The following KRT77 variants were observed in gnomAD, a reference collection of about 807,000 sequenced individuals.
The protein encoded by KRT77 is keratin, type II cytoskeletal 1b.
In KRT77, 44 loss-of-function variants were observed where a neutral mutation model predicts 51.5. The observed-to-expected ratio is 0.85, with a 90% CI of 0.67 to 1.10. The LOEUF is 1.10. Ranked by LOEUF, KRT77 falls within the 50% of genes least tolerant of loss-of-function variation. The pLI, the probability that KRT77 is intolerant of heterozygous loss-of-function variation, is 0.00. For synonymous variants in KRT77, 293 were observed against 302.0 expected (o/e 0.97, Z 0.31); for missense variants, 763 against 743.9 (o/e 1.03, Z -0.30).
chr12:52,697,748 G>C lies in KRT77; in HGVS notation c.692C>G (p.Ala231Gly), dbSNP rs756106631. 6.2e-7 allele frequency: 1 copy of C among 1,614,006 alleles called. No individual in the cohort carries two copies. Among genetic ancestry groups the C allele is most frequent in the Non-Finnish European group, 8.5e-7 (1 of 1,179,916 alleles). ...DLRRQVDLLS[A>G]EQMRQNAEVR... ...CTCCGCGTTCTGGCGCATCTGCTCC[G>C]CACTGAGCAAATCCACCTGCCTCCG... The change falls in exon 2 of 9, where the codon GCG becomes GGG. Residue 231 changes from alanine (A) to glycine (G), a missense_variant. Transcript: ENST00000341809.
At chr12:52,698,274 A>C (rs528783648) in intron 1 of KRT77, 17 of 570,902 alleles carry the variant, frequency 3.0e-5, no homozygotes, top group Non-Finnish European at 5.1e-5. Flanking sequence ...TGTGGTCAAA[A>C]TGCATTATGT....
rs1406971652 is a variant in KRT77 at position 52,694,564 on chromosome 12, G to A, written c.1080+62C>T. 9 of 1,457,470 alleles carry A rather than the reference G, an allele frequency of 6.2e-6. No individual in the cohort carries two copies. The African/African-American group carries it at 9.8e-5, about 16-fold the overall frequency. The allele number at this position is 1,457,470 out of a possible 1,614,324, so 90.3% of individuals were successfully genotyped here. On this transcript the variant is annotated intron_variant, in intron 5 of 8. Coordinates refer to ENST00000341809, the MANE Select transcript of KRT77 (RefSeq NM_175078.3). ...AAATAAGAGAAAGACAATGCAATAA[G>A]AGAAAGACAATTCTGGGAAGAATCT...
chr12:52,690,961 G>C lies in KRT77; in HGVS notation c.*204C>G, dbSNP rs1302970806. ...TGAGAATGTGCCTAGCTGTGAATCT[G>C]ACTGCAAGCCAGTGCCCTCCAAAGA... On this transcript the variant is annotated 3_prime_UTR_variant, in exon 9 of 9. Transcript: ENST00000341809. The C allele has an allele frequency of 7.3e-6, 5 of 682,070 alleles. No individual in the cohort carries two copies. The East Asian group carries it at 1.4e-4, about 19-fold the overall frequency. 42.3% of individuals were successfully genotyped at this position (682,070 alleles called of 1,614,324 possible).
At chr12:52,698,124 C>T (rs1941828089) in intron 1 of KRT77, 1 of 1,446,040 alleles carries the variant, frequency 6.9e-7, no homozygotes, top group Admixed American at 2.1e-5. Context: ...ACTAAGCTCA[C>T]TCTGGTTTTG....
At position 52,692,953 on chromosome 12, in the gene KRT77, G is replaced by A. The variant is rs925436689; in HGVS notation, c.1081-73C>T. 8 of 1,531,430 alleles carry A rather than the reference G, an allele frequency of 5.2e-6. No individual in the cohort carries two copies. In the African/African-American group the frequency reaches 1.1e-4, roughly 21 times the overall value. 94.9% of individuals were successfully genotyped at this position (1,531,430 alleles called of 1,614,324 possible). A position where few individuals can be genotyped will look rare whatever the true frequency, so the allele number is the denominator to read the frequency against. On this transcript the variant is annotated intron_variant, in intron 5 of 8. Transcript: ENST00000341809. ...GCCCCTCCAGGAGGGAGTAGGTCTG[G>A]GCTGCTCTCCCCTGGGAGATTCCCA...
intron 1 of KRT77, chr12:52,698,249 A>G (rs1817645691): frequency 6.3e-6 from 5 of 798,920 alleles, no homozygotes; most frequent in African/African-American, 1.8e-5. Context: ...GATGACCCCA[A>G]GGTTCCTTTC....
chr12:52,691,864 C>T (rs1941714437), intron 8 of KRT77, 74 bp downstream of exon 8: 4 of 1,578,392 alleles, frequency 2.5e-6, no homozygotes, highest in South Asian at 1.1e-5. Context: ...TTTCCGTTCT[C>T]TGCTGGCCAC....
At chr12:52,695,012 T>A (rs1161463534) in intron 4 of KRT77, 1 of 327,072 alleles carries the variant, frequency 3.1e-6, no homozygotes, top group African/African-American at 2.1e-5. Context: ...TCAGATACCA[T>A]CTCCCCATCA....
At position 52,703,109 on chromosome 12, in the gene KRT77, C is replaced by T; in HGVS notation, c.326G>A (p.Gly109Glu). 2 of 1,612,700 alleles carry T rather than the reference C, an allele frequency of 1.2e-6. No individual in the cohort carries two copies. The highest frequency in any genetic ancestry group is 4.5e-5 in the East Asian group (2 of 44,836). ...AAATCCAGCACCCCCAAAACCACCTCCTCCAAAGCCACCAGCCCCGGTGCT... is the reference window on the plus strand; with the variant it reads ...AAATCCAGCACCCCCAAAACCACCTTCTCCAAAGCCACCAGCCCCGGTGCT... Reference protein sequence around the residue: ...VGSTGAGGFGGGGFGGAGFGT... With the variant: ...VGSTGAGGFGEGGFGGAGFGT... Residue 109 changes from glycine to glutamate, a missense_variant, in exon 1 of 9, where the codon GGA becomes GAA. Coordinates refer to ENST00000341809, the MANE Select transcript of KRT77 (RefSeq NM_175078.3).
intron 1 of KRT77, among the ~76,000 whole-genome samples, chr12:52,698,540 G>A (rs1206217617): frequency 1.3e-5 from 2 of 152,196 alleles, no homozygotes; most frequent in South Asian, 2.1e-4. Context: ...GGGTTGTCAG[G>A]TGTTTGAGAA....
rs1356100910 is a variant in KRT77, at chr12:52,692,418, C to T, written c.1427+3G>A. 3 of 1,613,900 alleles carry T rather than the reference C, an allele frequency of 1.9e-6. No individual in the cohort carries two copies. The South Asian group carries it at 3.3e-5, about 18-fold the overall frequency. ...GCCCCAGAAACACAGCTGCCAGACCCACCTGCTCTCCTCGCCCTCCAGCAG... is the reference window on the plus strand; with the variant it reads ...GCCCCAGAAACACAGCTGCCAGACCTACCTGCTCTCCTCGCCCTCCAGCAG... On this transcript the variant is annotated splice_donor_region_variant and intron_variant, in intron 7 of 8. Transcript: ENST00000341809.
rs777785967 is a variant in KRT77 at position 52,703,380 on chromosome 12, A to G, written c.55T>C (p.Tyr19His). Residue 19 changes from tyrosine to histidine, a missense_variant, in exon 1 of 9, where the codon TAT becomes CAT. Transcript: ENST00000341809. ...GAGCCTGCAGAAGAGCTGGTACTAT[A>G]AACCCGCCTGCTCATTGAACTAAAC... ...SAFSSMSRRVYSTSSSAGSGG... is the reference protein window; with the variant it reads ...SAFSSMSRRVHSTSSSAGSGG... The G allele has an allele frequency of 3.1e-6, 5 of 1,612,776 alleles. No homozygotes were observed. The highest frequency in any genetic ancestry group is 4.2e-6 in the Non-Finnish European group (5 of 1,179,154).
chr12:52,698,133 T>C (rs1194662860), intron 1 of KRT77: 1 of 1,430,302 alleles, frequency 7.0e-7, no homozygotes, highest in Admixed American at 2.1e-5. Context: ...ACTCTGGTTT[T>C]GAAGGTAAAT....
intron 8 of KRT77, 96 bp from the exon 9 acceptor site, chr12:52,691,535 C>T (rs2121040476): frequency 7.2e-7 from 1 of 1,386,678 alleles, no homozygotes; most frequent in East Asian, 2.3e-5. Flanking sequence ...CATCCTCGAT[C>T]ACCCGTGGCA....
chr12:52,694,629 G>A lies in KRT77; in HGVS notation c.1077C>T (p.Thr359=), dbSNP rs2121051437. ...SKDEAEALYQ[T]KYQELQITAG... is the part of the protein sequence containing the mutation. The stretch of plus-strand genomic sequence containing the variant: ...CAGATCTGGGGGCCACGCCCACCTT[G>A]GTCTGGTACAGGGCTTCGGCCTCGT... Residue 359 remains threonine (T), a synonymous_variant, in exon 5 of 9, where the codon ACC becomes ACT. Transcript: ENST00000341809. 6.3e-7 allele frequency: 1 copy of A among 1,595,412 alleles called. No homozygotes were observed.
At chr12:52,691,831 G>T in intron 8 of KRT77, 107 bp downstream of exon 8, 1 of 1,282,796 alleles carries the variant, frequency 7.8e-7, no homozygotes, top group Non-Finnish European at 1.1e-6. Context: ...TATTGCACAG[G>T]ACTGGAAGCT....
At position 52,703,282 on chromosome 12, in the gene KRT77, G is replaced by A; in HGVS notation, c.153C>T (p.Ile51=). The change falls in exon 1 of 9, where the codon ATC becomes ATT. Residue 51 remains isoleucine, a synonymous_variant. Transcript: ENST00000341809. ...RGRCGGGGYG[I]HGRGFGSRSL... ...TCCTAGAGCCAAACCCCCTTCCATG[G>A]ATCCCATATCCACCACCACCACACC... 2 of 1,613,752 alleles carry A rather than the reference G, an allele frequency of 1.2e-6. No homozygotes were observed. The highest frequency in any genetic ancestry group is 1.7e-6 in the Non-Finnish European group (2 of 1,179,986).
Position 52,691,281 on chromosome 12 carries a change from C to G in KRT77, c.1621G>C (p.Gly541Arg). The change falls in exon 9 of 9, where the codon GGC (glycine) becomes CGC (arginine). Residue 541 changes from glycine (G) to arginine (R), a missense_variant. Gly to Arg is a moderately radical substitution (Grantham distance 125, BLOSUM62 -2). Coordinates refer to ENST00000341809, the MANE Select transcript of KRT77 (RefSeq NM_175078.3). The stretch of plus-strand genomic sequence containing the variant: ...TAGCTCCCGCCACCGCCGCCGCAGC[C>G]GCTGCCATAACCGCCTCCACTCCTG... Reference protein sequence around the residue: ...RGRSGGGYGSGCGGGGGSYGG... With the variant: ...RGRSGGGYGSRCGGGGGSYGG... 6.2e-7 allele frequency: 1 copy of G among 1,600,188 alleles called. No individual in the cohort carries two copies. Among genetic ancestry groups the G allele is most frequent in the South Asian group, 1.1e-5 (1 of 90,270 alleles).
In KRT77 at chr12:52,703,227, T is replaced by C. The variant is rs1489800117; in HGVS notation, c.208A>G (p.Ile70Val). ...SLYNLGGSRS[I>V]SINLMGRSTS... ...CTCCTCCCCATTAGATTAATGGAGA[T>C]GCTTCTACTGCCACCCAGATTGTAG... Residue 70 changes from isoleucine (I) to valine (V), a missense_variant, in exon 1 of 9, where the codon ATC becomes GTC. Ile to Val is a conservative substitution (Grantham distance 29). Coordinates refer to ENST00000341809, the MANE Select transcript of KRT77 (RefSeq NM_175078.3). 1.9e-6 allele frequency: 3 copies of C among 1,611,256 alleles called. No individual in the cohort carries two copies. Among genetic ancestry groups the C allele is most frequent in the Non-Finnish European group, 2.5e-6 (3 of 1,179,726 alleles).
Sources: gnomAD v4.1 joint callset for allele counts (sites outside exome capture counted in the v4.1 genomes callset) on GRCh38, gnomAD v4.1.1 for gene constraint, MANE v1.5 for transcripts, NCBI Gene and HGNC (gene_info 2026-07-23, HGNC 2026-07-21) for gene names.